INPP4B: variants seen among roughly 807,000 people sequenced by gnomAD.
The protein encoded by INPP4B is inositol polyphosphate 4-phosphatase type II.
A neutral mutation model predicts 122.5 loss-of-function variants in INPP4B; 55 were observed. The ratio of observed to expected loss-of-function variants is 0.45; its 90% confidence interval spans 0.36 to 0.56. INPP4B has a LOEUF of 0.56. INPP4B is among the 20% of genes least tolerant of loss of function. The pLI is 0.00. For synonymous variants in INPP4B, 403 were observed against 388.7 expected, an observed-to-expected ratio of 1.04 and a Z score of -0.43; for missense variants, 1,000 against 1,097.7, an observed-to-expected ratio of 0.91 and a Z score of 1.26.
chr4:142,322,081 C>T lies in INPP4B; in HGVS notation c.373-7319G>A, dbSNP rs544707831. ...GAAGACAAGGTATATTTCGTTGATA[C>T]GCAATAACAATGGCATGGTAAGAGT... On this transcript the variant is annotated intron_variant, in intron 7 of 25. Coordinates refer to ENST00000262992, the MANE Select transcript of INPP4B (RefSeq NM_001101669.3). Among the ~76,000 whole-genome samples, 101 of 152,126 alleles carry T rather than the reference C, an allele frequency of 6.6e-4. 1 individual carries two copies. Among genetic ancestry groups the T allele is most frequent in the Admixed American group, 1.9e-3 (29 of 15,272 alleles).
chr4:142,103,697 C>T (rs1157207389), intron 23 of INPP4B, among the ~76,000 whole-genome samples: 3 of 152,068 alleles, frequency 2.0e-5, no homozygotes, highest in African/African-American at 7.2e-5. Flanking sequence ...CCGTATCTTA[C>T]TCATCTTTCA....
At chr4:142,703,372 T>G (rs949790259) in intron 2 of INPP4B, among the ~76,000 whole-genome samples, 1 of 152,188 alleles carries the variant, frequency 6.6e-6, no homozygotes, top group African/African-American at 2.4e-5. Flanking sequence ...GCAAGTTAGA[T>G]TCAATGGTTA....
chr4:142,115,273 A>G (rs548661472), intron 21 of INPP4B, among the ~76,000 whole-genome samples: 2 of 152,306 alleles, frequency 1.3e-5, no homozygotes, highest in South Asian at 4.1e-4. Flanking sequence ...CAAATCTAGC[A>G]AGGCAGGCCA....
rs374201664 is a variant in INPP4B at position 142,025,788 on chromosome 4, G to A, written c.*2994C>T. ...GGCTGGGTCCATGGAGCTCTGCCCT[G>A]ATTGGGCAGTTTGTCATTTAGTACA... On this transcript the variant is annotated 3_prime_UTR_variant, in exon 26 of 26. Transcript: ENST00000262992. 1.3e-5 allele frequency: 2 copies of A among 152,172 alleles called. No homozygotes were observed. The highest frequency in any genetic ancestry group is 1.5e-5 in the Non-Finnish European group (1 of 68,034). The allele number at this position is 152,172 out of a possible 1,614,324, so 9.4% of individuals were successfully genotyped here. A position where few individuals can be genotyped will look rare whatever the true frequency, so the allele number is the denominator to read the frequency against.
chr4:142,138,221 T>C (rs1489838229), intron 18 of INPP4B, among the ~76,000 whole-genome samples: 1 of 151,190 alleles, frequency 6.6e-6, no homozygotes. Flanking sequence ...AAATGATGAG[T>C]TCATGTCCTT....
intron 14 of INPP4B, among the ~76,000 whole-genome samples, chr4:142,204,310 C>A (rs1561474229): frequency 6.6e-6 from 1 of 151,994 alleles, no homozygotes; most frequent in Non-Finnish European, 1.5e-5. Flanking sequence ...ATATGCAATA[C>A]AATTCAGTAC....
intron 1 of INPP4B, among the ~76,000 whole-genome samples, chr4:142,835,050 C>T (rs1287821182): frequency 1.3e-5 from 2 of 152,192 alleles, no homozygotes; most frequent in Non-Finnish European, 2.9e-5. Flanking sequence ...GGTAACCCAC[C>T]CATGTGGAAT....
intron 2 of INPP4B, among the ~76,000 whole-genome samples, chr4:142,533,078 T>G (rs1345949367): frequency 6.6e-6 from 1 of 152,166 alleles, no homozygotes; most frequent in African/African-American, 2.4e-5. Flanking sequence ...CAGAAAAACA[T>G]TCCAGTACTA....
At chr4:142,436,652 C>A (rs1288603754) in intron 3 of INPP4B, among the ~76,000 whole-genome samples, 3 of 152,138 alleles carry the variant, frequency 2.0e-5, no homozygotes, top group Non-Finnish European at 4.4e-5. Context: ...CAGCAAACCA[C>A]AGCAGCCCTA....
intron 1 of INPP4B, among the ~76,000 whole-genome samples, chr4:142,757,040 A>G (rs1184098374): frequency 6.6e-6 from 1 of 152,190 alleles, no homozygotes; most frequent in African/African-American, 2.4e-5. Flanking sequence ...AATTGAGTAT[A>G]GTGTCTAGAT....
At chr4:142,481,208 A>G (rs111286971) in intron 2 of INPP4B, among the ~76,000 whole-genome samples, 1,743 of 152,028 alleles carry the variant, frequency 0.011, 35 homozygotes, top group African/African-American at 0.04. Context: ...TGAGTGAGAG[A>G]ACAGTAGGGG....
chr4:142,305,937 C>T (rs1410575079), intron 8 of INPP4B: 3 of 1,027,346 alleles, frequency 2.9e-6, no homozygotes, highest in Admixed American at 5.2e-5. Flanking sequence ...ACTTTGTATT[C>T]CAGATATGAG....
Position 142,371,309 on chromosome 4 carries a change from A to T in INPP4B, c.372+31629T>A, listed in dbSNP as rs140427886. Among the ~76,000 whole-genome samples, 900 of 152,258 alleles carry T rather than the reference A, an allele frequency of 5.9e-3. 9 individuals carry two copies. Among genetic ancestry groups the T allele is most frequent in the African/African-American group, 0.02 (844 of 41,568 alleles). The stretch of plus-strand genomic sequence containing the variant: ...TACAAACTTAATCATATGACTCGAA[A>T]CTATGAAACTATTAGAAGAAAACAC... On this transcript the variant is annotated intron_variant, in intron 7 of 25. Coordinates refer to ENST00000262992, the MANE Select transcript of INPP4B (RefSeq NM_001101669.3).
rs189094131 is a variant in INPP4B, at chr4:142,629,792, T to G, written c.-191+96047A>C. On this transcript the variant is annotated intron_variant, in intron 2 of 25. Coordinates refer to ENST00000262992, the MANE Select transcript of INPP4B (RefSeq NM_001101669.3). ...TGATGCAGCATAATATAGGGGTTAT[T>G]CTTGCCCTCTGCCCAATTGCCCTTC... 2.0e-5 allele frequency among the ~76,000 whole-genome samples: 3 copies of G among 152,204 alleles called. No individual in the cohort carries two copies. The East Asian group carries it at 5.8e-4, about 29-fold the overall frequency.
chr4:142,216,791 A>C (rs942608043), intron 12 of INPP4B, among the ~76,000 whole-genome samples: 39 of 152,342 alleles, frequency 2.6e-4, no homozygotes, highest in African/African-American at 9.4e-4. Flanking sequence ...ATGAGATTAA[A>C]AACCAAAACA....
intron 7 of INPP4B, among the ~76,000 whole-genome samples, chr4:142,343,160 T>C (rs532395228): frequency 2.0e-5 from 3 of 152,262 alleles, no homozygotes; most frequent in East Asian, 3.9e-4. Flanking sequence ...ATTTATGTGC[T>C]GTCAACTCAA....
intron 1 of INPP4B, among the ~76,000 whole-genome samples, chr4:142,781,228 T>C (rs1340845758): frequency 6.7e-6 from 1 of 149,366 alleles, no homozygotes; most frequent in African/African-American, 2.4e-5. Context: ...AAATCTCCTA[T>C]GAGGATGTAA....
intron 9 of INPP4B, among the ~76,000 whole-genome samples, chr4:142,281,731 T>C (rs1436120117): frequency 6.6e-6 from 1 of 152,016 alleles, no homozygotes; most frequent in Non-Finnish European, 1.5e-5. Context: ...ATGAGGCATG[T>C]ACTCTGAAAC....
chr4:142,748,107 C>G (rs1769069505), intron 1 of INPP4B, among the ~76,000 whole-genome samples: 1 of 151,992 alleles, frequency 6.6e-6, no homozygotes, highest in African/African-American at 2.4e-5. Flanking sequence ...AAAATTAGAT[C>G]TATAGAAAAA....
Sources: gnomAD v4.1 joint callset for allele counts (sites outside exome capture counted in the v4.1 genomes callset) on GRCh38, gnomAD v4.1.1 for gene constraint, MANE v1.5 for transcripts, NCBI Gene and HGNC (gene_info 2026-07-23, HGNC 2026-07-21) for gene names.